Variants in C1QTNF2 observed in about 807,000 individuals in gnomAD.
C1QTNF2 encodes C1q and TNF related 2.
A neutral mutation model predicts 17.4 loss-of-function variants in C1QTNF2; 15 were observed. The observed-to-expected ratio is 0.86, with a 90% CI of 0.58 to 1.33. The LOEUF is 1.33. Among genes scored for constraint, C1QTNF2 ranks in the 40% most tolerant of loss-of-function variants. The pLI, the probability that C1QTNF2 is intolerant of heterozygous loss-of-function variation, is 0.00. For synonymous variants in C1QTNF2, 154 were observed against 163.3 expected (o/e 0.94, Z 0.44); for missense variants, 381 against 392.3 (o/e 0.97, Z 0.24).
chr5:160,369,777 T>C (rs1764315985), intron 1 of C1QTNF2, among the ~76,000 whole-genome samples: 1 of 152,014 alleles, frequency 6.6e-6, no homozygotes, highest in African/African-American at 2.4e-5. Context: ...GGGAGACTAT[T>C]AGGGCCCACT....
intron 1 of C1QTNF2, among the ~76,000 whole-genome samples, chr5:160,358,917 A>C (rs1764100049): frequency 6.6e-6 from 1 of 151,916 alleles, no homozygotes; most frequent in Admixed American, 6.6e-5. Context: ...AGAAGCTGGG[A>C]CTATAGGAGC....
chr5:160,363,032 G>A (rs1401242710), intron 1 of C1QTNF2, among the ~76,000 whole-genome samples: 1 of 152,230 alleles, frequency 6.6e-6, no homozygotes, highest in Non-Finnish European at 1.5e-5. Flanking sequence ...AGCCCCAGGA[G>A]TGTTTCAGGG....
intron 1 of C1QTNF2, among the ~76,000 whole-genome samples, chr5:160,356,847 G>C (rs373173152): frequency 2.2e-4 from 34 of 152,120 alleles, no homozygotes; most frequent in African/African-American, 6.5e-4. Context: ...GCCTCTGGCT[G>C]TTCCCCTCAG....
intron 2 of C1QTNF2, among the ~76,000 whole-genome samples, chr5:160,352,200 C>G (rs1020832098): frequency 6.6e-6 from 1 of 152,166 alleles, no homozygotes; most frequent in Non-Finnish European, 1.5e-5. Flanking sequence ...TGAGCCACCA[C>G]GCAGCCTCCA....
chr5:160,368,469 T>C (rs1334311948), intron 1 of C1QTNF2, among the ~76,000 whole-genome samples: 3 of 151,158 alleles, frequency 2.0e-5, no homozygotes, highest in Non-Finnish European at 4.4e-5. Flanking sequence ...GAGGCGGAGA[T>C]TGCAGTGAGC....
Position 160,348,282 on chromosome 5 carries a change from T to G in C1QTNF2, c.*886A>C, listed in dbSNP as rs1345204107. ...TCAAGTCTGTGGCCGACTTGACTCA[T>G]GCAATGAGCAGATTCAAGATGATCC... is the stretch of plus-strand genomic sequence containing the variant. On this transcript the variant is annotated 3_prime_UTR_variant, in exon 3 of 3. Coordinates refer to ENST00000652664, the MANE Select transcript of C1QTNF2 (RefSeq NM_031908.6). 1 of 152,266 alleles carries G rather than the reference T, an allele frequency of 6.6e-6. No individual in the cohort carries two copies. The highest frequency in any genetic ancestry group is 2.1e-4 in the South Asian group (1 of 4,830). The allele number at this position is 152,266 out of a possible 1,614,324, so 9.4% of individuals were successfully genotyped here.
chr5:160,355,444 G>T (rs1213996886), intron 1 of C1QTNF2, among the ~76,000 whole-genome samples: 1 of 152,166 alleles, frequency 6.6e-6, no homozygotes, highest in East Asian at 1.9e-4. Context: ...AGGTGACTTT[G>T]CAACTAGTCT....
chr5:160,364,297 G>A (rs917267265), intron 1 of C1QTNF2, among the ~76,000 whole-genome samples: 1 of 152,166 alleles, frequency 6.6e-6, no homozygotes, highest in African/African-American at 2.4e-5. Flanking sequence ...CAGATGCCAT[G>A]AACTAGCTGT....
chr5:160,367,180 C>T (rs184892614), intron 1 of C1QTNF2, among the ~76,000 whole-genome samples: 2 of 152,270 alleles, frequency 1.3e-5, no homozygotes, highest in Admixed American at 1.3e-4. Context: ...TCACAGACTA[C>T]TCTGTACTTT....
At chr5:160,360,334 A>G (rs1764130284) in intron 1 of C1QTNF2, among the ~76,000 whole-genome samples, 1 of 152,224 alleles carries the variant, frequency 6.6e-6, no homozygotes, top group African/African-American at 2.4e-5. Flanking sequence ...AGTGTTGGAG[A>G]CGCAGACTCT....
intron 2 of C1QTNF2, among the ~76,000 whole-genome samples, 171 bp downstream of exon 2, chr5:160,354,597 A>AAAAAAAAAATATAT (rs769774870): frequency 3.4e-5 from 3 of 89,306 alleles, no homozygotes; most frequent in African/African-American, 1.4e-4. Context: ...AAAAAAAAAA[A>AAAAAAAAAATATAT]GTATATATAT....
At chr5:160,368,702 A>G (rs893859869) in intron 1 of C1QTNF2, among the ~76,000 whole-genome samples, 1 of 152,188 alleles carries the variant, frequency 6.6e-6, no homozygotes, top group African/African-American at 2.4e-5. Context: ...GTTACCCCAC[A>G]GTGAACATTT....
chr5:160,351,316 G>T (rs1328176412), intron 2 of C1QTNF2, among the ~76,000 whole-genome samples: 1 of 152,122 alleles, frequency 6.6e-6, no homozygotes, highest in African/African-American at 2.4e-5. Context: ...AACCTATATG[G>T]ATAATGACTT....
At chr5:160,362,862 T>C (rs547834314) in intron 1 of C1QTNF2, among the ~76,000 whole-genome samples, 6 of 152,348 alleles carry the variant, frequency 3.9e-5, no homozygotes, top group African/African-American at 1.4e-4. Context: ...AATGGAGATA[T>C]TAACATTTGC....
chr5:160,366,706 T>C (rs1764253154), intron 1 of C1QTNF2, among the ~76,000 whole-genome samples: 1 of 152,208 alleles, frequency 6.6e-6, no homozygotes, highest in Non-Finnish European at 1.5e-5. Context: ...CATTCAGTGA[T>C]TAGCTTTTAA....
intron 1 of C1QTNF2, among the ~76,000 whole-genome samples, chr5:160,362,348 G>A (rs780416693): frequency 3.9e-5 from 6 of 152,054 alleles, no homozygotes; most frequent in Non-Finnish European, 8.8e-5. Context: ...GAAATGAGTG[G>A]CACCACAGTT....
intron 1 of C1QTNF2, among the ~76,000 whole-genome samples, chr5:160,370,007 A>C (rs1424736596): frequency 6.6e-6 from 1 of 152,204 alleles, no homozygotes. Context: ...GGTTAAGTGA[A>C]ATAATGCATT....
rs6556492 is a variant in C1QTNF2, at chr5:160,348,734, G to A, written c.*434C>T. ...ACTGTATGTAAGTAAACCTAAAAAC[G>A]CAAACTTAAAAAAAGAAACAAATTT... On this transcript the variant is annotated 3_prime_UTR_variant, in exon 3 of 3. Coordinates refer to ENST00000652664, the MANE Select transcript of C1QTNF2 (RefSeq NM_031908.6). 0.7 allele frequency: 110,288 copies of A among 158,232 alleles called. 38,683 individuals are homozygous for A. The highest frequency in any genetic ancestry group is 0.84 in the Middle Eastern group (254 of 302). 9.8% of individuals were successfully genotyped at this position (158,232 alleles called of 1,614,324 possible).
intron 1 of C1QTNF2, among the ~76,000 whole-genome samples, chr5:160,356,686 A>C (rs141433029): frequency 4.2e-4 from 64 of 152,128 alleles, no homozygotes; most frequent in African/African-American, 1.5e-3. Flanking sequence ...TATTAGGGGG[A>C]TCCTCGGCAG....
Sources: gnomAD v4.1 joint callset for allele counts (sites outside exome capture counted in the v4.1 genomes callset) on GRCh38, gnomAD v4.1.1 for gene constraint, MANE v1.5 for transcripts, NCBI Gene and HGNC (gene_info 2026-07-23, HGNC 2026-07-21) for gene names.